Variants in ZNF385D observed in about 807,000 individuals in gnomAD.
ZNF385D encodes the protein zinc finger protein 385D.
ZNF385D carries 15 observed loss-of-function variants against 35.8 expected under a neutral mutation model. The observed-to-expected ratio is 0.42, with a 90% CI of 0.28 to 0.64. ZNF385D has a LOEUF of 0.64. Ranked by LOEUF, ZNF385D falls within the 30% of genes least tolerant of loss-of-function variation. The pLI, the probability that ZNF385D is intolerant of heterozygous loss-of-function variation, is 0.23. For synonymous variants in ZNF385D, 212 were observed against 186.8 expected, an observed-to-expected ratio of 1.13 and a Z score of -1.10; for missense variants, 474 against 494.6, an observed-to-expected ratio of 0.96 and a Z score of 0.39.
At chr3:21,682,858 T>C (rs1255452885) in intron 1 of ZNF385D, among the ~76,000 whole-genome samples, 1 of 149,934 alleles carries the variant, frequency 6.7e-6, no homozygotes, top group African/African-American at 2.5e-5. Flanking sequence ...TGTAAACAAA[T>C]GGGCATACCT....
At chr3:21,637,698 G>A (rs1238354801) in intron 2 of ZNF385D, among the ~76,000 whole-genome samples, 1 of 151,992 alleles carries the variant, frequency 6.6e-6, no homozygotes, top group Non-Finnish European at 1.5e-5. Flanking sequence ...TTCAAAGTGG[G>A]GTTTAAAGAA....
chr3:22,161,465 T>C (rs1007444887), intron 3 of ZNF385D, among the ~76,000 whole-genome samples: 3 of 152,088 alleles, frequency 2.0e-5, no homozygotes, highest in African/African-American at 7.2e-5. Context: ...CAAAGGCCTT[T>C]TTAAAAGAGG....
At chr3:21,960,528 G>A (rs1702531844) in intron 3 of ZNF385D, among the ~76,000 whole-genome samples, 1 of 151,986 alleles carries the variant, frequency 6.6e-6, no homozygotes, top group Non-Finnish European at 1.5e-5. Flanking sequence ...ACAGTGTGGA[G>A]ATTTCTCAAA....
In ZNF385D at chr3:21,414,177, C is replaced by T. The variant is rs1700530141; in HGVS notation, c.*7037G>A. On this transcript the variant is annotated 3_prime_UTR_variant, in exon 8 of 8. Coordinates refer to ENST00000281523, the MANE Select transcript of ZNF385D (RefSeq NM_024697.3). ...CTAGGCTTTTATTTAATAAAAATTG[C>T]TGTGGATTTACAAAACAAAACAAAA... The T allele has an allele frequency of 6.6e-6, 1 of 151,126 alleles. No individual in the cohort carries two copies. Among genetic ancestry groups the T allele is most frequent in the African/African-American group, 2.4e-5 (1 of 40,850 alleles). 9.4% of individuals were successfully genotyped at this position (151,126 alleles called of 1,614,324 possible). A position where few individuals can be genotyped will look rare whatever the true frequency, so the allele number is the denominator to read the frequency against.
intron 3 of ZNF385D, among the ~76,000 whole-genome samples, chr3:22,041,983 A>C (rs1289776500): frequency 1.3e-5 from 2 of 152,184 alleles, no homozygotes; most frequent in African/African-American, 2.4e-5. Flanking sequence ...AACTTTTAGC[A>C]GTATTTTATT....
intron 3 of ZNF385D, among the ~76,000 whole-genome samples, chr3:21,974,870 A>G (rs1412774353): frequency 6.6e-6 from 1 of 152,210 alleles, no homozygotes; most frequent in Non-Finnish European, 1.5e-5. Flanking sequence ...ACACTGAGAT[A>G]TCATCTTATC....
At chr3:21,461,384 C>T (rs568235929) in intron 4 of ZNF385D, among the ~76,000 whole-genome samples, 20 of 152,166 alleles carry the variant, frequency 1.3e-4, no homozygotes, top group African/African-American at 4.3e-4. Context: ...CCTGTCTCTA[C>T]TAAAAATATG....
intron 3 of ZNF385D, among the ~76,000 whole-genome samples, chr3:21,866,058 T>C (rs1358311231): frequency 6.6e-6 from 1 of 152,088 alleles, no homozygotes; most frequent in Non-Finnish European, 1.5e-5. Flanking sequence ...ATAACATTAG[T>C]ATGTGTATGT....
intron 3 of ZNF385D, among the ~76,000 whole-genome samples, chr3:22,004,035 G>A (rs1037997334): frequency 6.6e-6 from 1 of 152,000 alleles, no homozygotes; most frequent in African/African-American, 2.4e-5. Context: ...AGTACAGTAT[G>A]GTGTTGATAT....
intron 2 of ZNF385D, among the ~76,000 whole-genome samples, chr3:22,273,773 A>G (rs922087667): frequency 3.3e-5 from 5 of 152,042 alleles, no homozygotes; most frequent in Non-Finnish European, 7.4e-5. Flanking sequence ...ACTATTCCAC[A>G]GGATGAGGAG....
chr3:21,910,326 A>AG (rs758587468), intron 3 of ZNF385D, among the ~76,000 whole-genome samples: 1 of 151,964 alleles, frequency 6.6e-6, no homozygotes, highest in African/African-American at 2.4e-5. Flanking sequence ...TCTGAAATAG[A>AG]GGGGAGGCAG....
intron 2 of ZNF385D, among the ~76,000 whole-genome samples, chr3:22,173,520 T>G (rs1694606889): frequency 6.6e-6 from 1 of 152,162 alleles, no homozygotes; most frequent in African/African-American, 2.4e-5. Flanking sequence ...GAGACCATTT[T>G]CTCTCCTTGA....
chr3:22,093,564 G>T (rs190942697), intron 3 of ZNF385D, among the ~76,000 whole-genome samples: 104 of 151,964 alleles, frequency 6.8e-4, no homozygotes, highest in South Asian at 1.2e-3. Flanking sequence ...AGGATTATGT[G>T]GTTTAAATTA....
At chr3:21,851,386 A>T (rs1381944699) in intron 3 of ZNF385D, among the ~76,000 whole-genome samples, 3 of 152,020 alleles carry the variant, frequency 2.0e-5, no homozygotes, top group Admixed American at 2.0e-4. Flanking sequence ...ATATACACTC[A>T]ATATATGTCC....
rs894394221 is a variant in ZNF385D, at chr3:22,147,982, T to C, written c.325+20835A>G. Among the ~76,000 whole-genome samples, 5 of 152,340 alleles carry C rather than the reference T, an allele frequency of 3.3e-5. No homozygotes were observed. In the East Asian group the frequency reaches 5.8e-4, roughly 18 times the overall value. On this transcript the variant is annotated intron_variant, in intron 3 of 5. Transcript: ENST00000494108. The stretch of plus-strand genomic sequence containing the variant: ...AGCAAAGATGTTTCTGAGGCTGACA[T>C]GGAGTAAATACTTCATTTCTGGGAT...
intron 3 of ZNF385D, among the ~76,000 whole-genome samples, chr3:21,998,781 C>A (rs1478021061): frequency 6.6e-6 from 1 of 152,122 alleles, no homozygotes; most frequent in African/African-American, 2.4e-5. Flanking sequence ...TTAAAATTAT[C>A]ATTCTTAGAA....
chr3:21,890,698 C>T (rs942965511), intron 3 of ZNF385D, among the ~76,000 whole-genome samples: 2 of 152,074 alleles, frequency 1.3e-5, no homozygotes, highest in African/African-American at 4.8e-5. Context: ...AGAAAAGATG[C>T]TATTTTCTTA....
intron 1 of ZNF385D, among the ~76,000 whole-genome samples, chr3:21,690,777 A>T (rs2067257014): frequency 6.6e-6 from 1 of 152,064 alleles, no homozygotes; most frequent in South Asian, 2.1e-4. Flanking sequence ...GGAATCAGAA[A>T]CTCTGAATAT....
chr3:21,518,864 T>C (rs930866613), intron 3 of ZNF385D, among the ~76,000 whole-genome samples: 2 of 152,198 alleles, frequency 1.3e-5, no homozygotes, highest in Admixed American at 6.5e-5. Flanking sequence ...GATATAGATA[T>C]ATTTATTTCT....
Sources: allele counts gnomAD v4.1 joint callset (sites outside exome capture counted in the v4.1 genomes callset), GRCh38; gene constraint gnomAD v4.1.1; transcripts MANE v1.5; gene names NCBI Gene and HGNC (gene_info 2026-07-23, HGNC 2026-07-21).